ZNF311: variants seen among roughly 807,000 people sequenced by gnomAD.
ZNF311 encodes the protein zinc finger protein 311, also known as zinc finger protein zfp31.
A neutral mutation model predicts 22.7 loss-of-function variants in ZNF311; 14 were observed. The ratio of observed to expected loss-of-function variants is 0.62; its 90% CI spans 0.41 to 0.96. The LOEUF is 0.96. Among genes scored for constraint, ZNF311 ranks in the 40% least tolerant of loss-of-function variants. The probability of loss-of-function intolerance (pLI) is 0.00; values close to 1 mark genes in which losing one functional copy is unlikely to be tolerated. For missense variants in ZNF311, 731 were observed against 799.0 expected, an observed-to-expected ratio of 0.91 and a Z score of 1.03; for synonymous variants, 250 against 275.3, an observed-to-expected ratio of 0.91 and a Z score of 0.91.
intron 3 of ZNF311, among the ~76,000 whole-genome samples, chr6:29,002,687 C>G (rs1007916953): frequency 2.0e-5 from 3 of 149,576 alleles, no homozygotes; most frequent in Admixed American, 6.7e-5. Context: ...GTGGCATGAT[C>G]TCAGCTCACT....
chr6:29,003,543 G>T lies in ZNF311; in HGVS notation c.61C>A (p.Arg21Ser), dbSNP rs754844913. 1 of 1,612,874 alleles carries T rather than the reference G, an allele frequency of 6.2e-7. No homozygotes were observed. The highest frequency in any genetic ancestry group is 8.5e-7 in the Non-Finnish European group (1 of 1,180,036). Residue 21 changes from arginine (R) to serine (S), a missense_variant, in exon 3 of 7, where the codon CGC becomes AGC. By Grantham distance (110) the Arg-to-Ser change is moderately radical. Transcript: ENST00000377179. ...SGPPSQLLWTRQDTQLPQESA... is the reference protein window; with the variant it reads ...SGPPSQLLWTSQDTQLPQESA... ...TCCTGAGGGAGCTGGGTATCCTGGCGGGTCCAAAGCAGCTGGCTTGGTGGT... is the reference window on the plus strand; with the variant it reads ...TCCTGAGGGAGCTGGGTATCCTGGCTGGTCCAAAGCAGCTGGCTTGGTGGT...
At chr6:29,004,688 G>A (rs912264082) in intron 1 of ZNF311, among the ~76,000 whole-genome samples, 2 of 152,126 alleles carry the variant, frequency 1.3e-5, no homozygotes, top group African/African-American at 4.8e-5. Context: ...GAATGTGCCC[G>A]TGACTTCTAA....
Position 29,001,066 on chromosome 6 carries a change from A to G in ZNF311, c.92-1019T>C, listed in dbSNP as rs202050585. On this transcript the variant is annotated intron_variant, in intron 3 of 6. Transcript: ENST00000377179. ...GCTGGGATTACAGGCATGAGCCACCACGCCCAGCTGAGAAGTAGTTCATAT... is the reference window on the plus strand; with the variant it reads ...GCTGGGATTACAGGCATGAGCCACCGCGCCCAGCTGAGAAGTAGTTCATAT... Among the ~76,000 whole-genome samples, 12 of 152,258 alleles carry G rather than the reference A, an allele frequency of 7.9e-5. No individual in the cohort carries two copies. In the East Asian group the frequency reaches 2.1e-3, roughly 27 times the overall value.
chr6:29,000,145 CTCTAA>C, intron 3 of ZNF311, 98 bp from the exon 4 acceptor site: 10 of 1,165,674 alleles, frequency 8.6e-6, no homozygotes, highest in Non-Finnish European at 1.1e-5. Context: ...GCTTCTGCAG[CTCTAA>C]CCTAGGGCTT....
chr6:29,002,649 C>G (rs62407581), intron 3 of ZNF311, among the ~76,000 whole-genome samples: 26,919 of 146,676 alleles, frequency 0.18, 2,820 homozygotes, highest in East Asian at 0.42. Context: ...TAGACAGAGT[C>G]TCACTCTGTT....
chr6:29,004,603 T>C (rs1246363629), intron 1 of ZNF311, among the ~76,000 whole-genome samples: 3 of 152,092 alleles, frequency 2.0e-5, no homozygotes, highest in African/African-American at 7.2e-5. Flanking sequence ...ATTTCATCGC[T>C]CTGCTGAAAA....
Position 28,996,078 on chromosome 6 carries a change from A to G in ZNF311, c.924T>C (p.Cys308=). The change falls in exon 7 of 7, where the codon TGT becomes TGC. Residue 308 remains cysteine, a synonymous_variant. Transcript: ENST00000377179. The part of the protein sequence containing the change: ...TGEKPFNCTQ[C]GKAFNSRSAL... ...CTGATCTACTGTTGAAAGCCTTCCC[A>G]CACTGGGTGCAATTAAAAGGTTTCT... is the stretch of plus-strand genomic sequence containing the variant. 3 of 1,613,220 alleles carry G rather than the reference A, an allele frequency of 1.9e-6. No individual in the cohort carries two copies. The highest frequency in any genetic ancestry group is 2.5e-6 in the Non-Finnish European group (3 of 1,180,006).
At chr6:29,002,183 T>A (rs1780530300) in intron 3 of ZNF311, among the ~76,000 whole-genome samples, 1 of 152,216 alleles carries the variant, frequency 6.6e-6, no homozygotes, top group South Asian at 2.1e-4. Context: ...TAAAGCAGTA[T>A]ACAGATATCT....
Position 28,995,890 on chromosome 6 carries a change from T to G in ZNF311, c.1112A>C (p.Lys371Thr). The G allele has an allele frequency of 3.7e-6, 6 of 1,613,862 alleles. No individual in the cohort carries two copies. The highest frequency in any genetic ancestry group is 5.1e-6 in the Non-Finnish European group (6 of 1,179,978). The change falls in exon 7 of 7, where the codon AAG (lysine) becomes ACG (threonine). Residue 371 changes from lysine (K) to threonine (T), a missense_variant. Lys to Thr is a moderately conservative substitution (Grantham distance 78). Transcript: ENST00000377179. The surrounding 1 kb of genome is among the most constrained non-coding windows in gnomAD (Gnocchi z 4.7). ...CNCCGKAFQFKHSLTIHGRIH... is the reference protein window; with the variant it reads ...CNCCGKAFQFTHSLTIHGRIH... ...TCTGCCATGGATGGTAAGGGAATGC[T>G]TAAACTGGAAGGCCTTCCCACAGCA...
Position 28,995,163 on chromosome 6 carries a change from A to C in ZNF311, c.1839T>G (p.Cys613Trp). 1 of 1,614,088 alleles carries C rather than the reference A, an allele frequency of 6.2e-7. No homozygotes were observed. The highest frequency in any genetic ancestry group is 8.5e-7 in the Non-Finnish European group (1 of 1,180,044). Reference sequence around the variant, plus strand: ...CTCTAAAAGCTTTTCCACATTCCTCACATTCATAAGGTTTCTCCCCAGTAT... The same window carrying C: ...CTCTAAAAGCTTTTCCACATTCCTCCCATTCATAAGGTTTCTCCCCAGTAT... ...RVHTGEKPYE[C>W]EECGKAFRVS... The change falls in exon 7 of 7, where the codon TGT becomes TGG. Residue 613 changes from cysteine to tryptophan, a missense_variant. Coordinates refer to ENST00000377179, the MANE Select transcript of ZNF311 (RefSeq NM_001382360.1). This position sits in a 1 kb window ranked among gnomAD's most constrained non-coding sequence, Gnocchi z 4.7.
intron 3 of ZNF311, 82 bp downstream of exon 3, chr6:29,003,431 G>C: frequency 7.7e-7 from 1 of 1,304,696 alleles, no homozygotes. Flanking sequence ...TTGGGCCCCA[G>C]TGTGGCATTT....
chr6:28,999,054 T>C (rs1203529783), intron 5 of ZNF311, among the ~76,000 whole-genome samples: 1 of 150,982 alleles, frequency 6.6e-6, no homozygotes, highest in Non-Finnish European at 1.5e-5. Flanking sequence ...AGAGAAGTTC[T>C]GGGAAACAGT....
At position 28,999,818 on chromosome 6, in the gene ZNF311, A is replaced by G. The variant is rs1780189858; in HGVS notation, c.183+138T>C. ...AGAGAAAACAACCCACAAGTGGTTT[A>G]TCATGCAACAAAATGTTCCTTATGA... On this transcript the variant is annotated intron_variant, in intron 4 of 6. Transcript: ENST00000377179. The G allele has an allele frequency of 5.6e-6, 7 of 1,241,070 alleles. No individual in the cohort carries two copies. In the South Asian group the frequency reaches 1.0e-4, roughly 18 times the overall value. The allele number at this position is 1,241,070 out of a possible 1,614,324, so 76.9% of individuals were successfully genotyped here.
chr6:29,002,042 G>A (rs1298409127), intron 3 of ZNF311, among the ~76,000 whole-genome samples: 1 of 152,200 alleles, frequency 6.6e-6, no homozygotes, highest in Non-Finnish European at 1.5e-5. Flanking sequence ...AACTGGGAAA[G>A]TCTGTCACTC....
In ZNF311 at chr6:28,995,315, C is replaced by A; in HGVS notation, c.1687G>T (p.Ala563Ser). 1 of 1,613,978 alleles carries A rather than the reference C, an allele frequency of 6.2e-7. No individual in the cohort carries two copies. Among genetic ancestry groups the A allele is most frequent in the African/African-American group, 1.3e-5 (1 of 75,022 alleles). Reference protein sequence around the residue: ...KPHKCEVCGMAFHHSSVLRQH... With the variant: ...KPHKCEVCGMSFHHSSVLRQH... ...CTCAGGACTGAACTATGATGGAAGG[C>A]CATTCCACATACCTCACATTTGTGA... is the stretch of plus-strand genomic sequence containing the variant. The change falls in exon 7 of 7, where the codon GCC (alanine) becomes TCC (serine). Residue 563 changes from alanine to serine, a missense_variant. Transcript: ENST00000377179. This position sits in a 1 kb window ranked among gnomAD's most constrained non-coding sequence, Gnocchi z 4.7.
At chr6:28,997,514 C>A (rs1198008909) in intron 6 of ZNF311, among the ~76,000 whole-genome samples, 5 of 152,196 alleles carry the variant, frequency 3.3e-5, no homozygotes, top group Non-Finnish European at 7.3e-5. Context: ...CTCTTTATTT[C>A]CACTGCCAGT....
At chr6:29,001,680 A>G (rs1780465102) in intron 3 of ZNF311, among the ~76,000 whole-genome samples, 1 of 152,242 alleles carries the variant, frequency 6.6e-6, no homozygotes, top group Admixed American at 6.5e-5. Context: ...AAAGTTGAAA[A>G]AATTATATAG....
At chr6:29,002,652 A>T (rs1264086469) in intron 3 of ZNF311, among the ~76,000 whole-genome samples, 2 of 137,534 alleles carry the variant, frequency 1.5e-5, no homozygotes, top group African/African-American at 2.8e-5. Context: ...ACAGAGTCTC[A>T]CTCTGTTGCC....
chr6:29,002,615 C>T (rs892561774), intron 3 of ZNF311, among the ~76,000 whole-genome samples: 2 of 147,866 alleles, frequency 1.4e-5, no homozygotes, highest in African/African-American at 5.1e-5. Context: ...GCACCTCCAA[C>T]AGCAATTTTT....
Sources: allele counts gnomAD v4.1 joint callset (sites outside exome capture counted in the v4.1 genomes callset), GRCh38; gene constraint gnomAD v4.1.1; non-coding constraint Gnocchi (gnomAD v3.1); transcripts MANE v1.5; gene names NCBI Gene and HGNC (gene_info 2026-07-23, HGNC 2026-07-21).